DUOXA1: variants seen among roughly 807,000 people sequenced by gnomAD.
DUOXA1 encodes dual oxidase activator 1.
Under a neutral mutation model 26.6 loss-of-function variants are expected in DUOXA1, and 19 were observed. The observed-to-expected ratio is 0.71, with a 90% CI of 0.50 to 1.05. DUOXA1 has a LOEUF of 1.05. DUOXA1 is among the 50% of genes least tolerant of loss of function. The pLI, the probability that DUOXA1 is intolerant of heterozygous loss-of-function variation, is 0.00. For missense variants in DUOXA1, 403 were observed against 427.5 expected, an observed-to-expected ratio of 0.94 and a Z score of 0.51; for synonymous variants, 166 against 177.0, an observed-to-expected ratio of 0.94 and a Z score of 0.49.
At position 45,120,254 on chromosome 15, in the gene DUOXA1, G is replaced by T; in HGVS notation, c.621C>A (p.Gly207=). The T allele has an allele frequency of 6.2e-7, 1 of 1,614,148 alleles. No homozygotes were observed. Among genetic ancestry groups the T allele is most frequent in the East Asian group, 2.2e-5 (1 of 44,892 alleles). The change falls in exon 8 of 9, where the codon GGC becomes GGA. Residue 207 remains glycine, a synonymous_variant. Transcript: ENST00000560572. ...AGATGCCCGTGGCCAATAGCATGTA[G>T]CCACCATATACCAGCACAGGCATGG... ...MLSMPVLVYG[G]YMLLATGIFQ...
rs1314036178 is a variant in DUOXA1 at position 45,118,917 on chromosome 15, C to A, written c.*189G>T. The A allele has an allele frequency of 1.5e-6, 2 of 1,336,098 alleles. No individual in the cohort carries two copies. Among genetic ancestry groups the A allele is most frequent in the South Asian group, 2.1e-5 (1 of 46,962 alleles). The allele number at this position is 1,336,098 out of a possible 1,614,324, so 82.8% of individuals were successfully genotyped here. ...GGACAGGCCCAGCATCTCTTCAGTC[C>A]CTTAGGGCTTTTTGTTTTGTTTTGT... is the stretch of plus-strand genomic sequence containing the variant. On this transcript the variant is annotated 3_prime_UTR_variant, in exon 9 of 9. Transcript: ENST00000560572.
In DUOXA1 at chr15:45,120,690, G is replaced by A. The variant is rs150765255; in HGVS notation, c.456C>T (p.Asp152=). ...YAKALEKGLP[D]PVLYLAEKFT... is the part of the protein sequence containing the mutation. ...ACTTCTCAGCTAGGTACAACACAGG[G>A]TCTGGCAGCCCCTTCTCCAGAGCCT... is the stretch of plus-strand genomic sequence containing the variant. The change falls in exon 7 of 9, where the codon GAC becomes GAT. Residue 152 remains aspartate, a synonymous_variant. Transcript: ENST00000560572. 1.2e-5 allele frequency: 19 copies of A among 1,614,134 alleles called. No individual in the cohort carries two copies. In the South Asian group the frequency reaches 1.8e-4, roughly 15 times the overall value.
Position 45,119,064 on chromosome 15 carries a change from G to A in DUOXA1, c.*42C>T, listed in dbSNP as rs763849904. 6.5e-7 allele frequency: 1 copy of A among 1,540,068 alleles called. No individual in the cohort carries two copies. Among genetic ancestry groups the A allele is most frequent in the Non-Finnish European group, 8.8e-7 (1 of 1,136,862 alleles). ...TTTTATGGGGCGCCAATGAGGTTTG[G>A]AGCCAGACTGGAAGTCCAGGTGGCC... On this transcript the variant is annotated 3_prime_UTR_variant, in exon 9 of 9. Coordinates refer to ENST00000560572, the MANE Select transcript of DUOXA1 (RefSeq NM_001276266.2).
intron 7 of DUOXA1, 111 bp from the exon 8 acceptor site, chr15:45,120,431 G>T: frequency 6.8e-7 from 1 of 1,476,316 alleles, no homozygotes; most frequent in South Asian, 1.1e-5. Context: ...AAGATATGAG[G>T]TAGGGATTCC....
At chr15:45,126,773 C>G (rs1050656846) in intron 3 of DUOXA1, among the ~76,000 whole-genome samples, 12 of 152,232 alleles carry the variant, frequency 7.9e-5, no homozygotes, top group Non-Finnish European at 1.3e-4. Context: ...TCCCTTATTG[C>G]CCTGTGCTAA....
At chr15:45,122,844 G>T in intron 4 of DUOXA1, 24 bp downstream of exon 4, 2 of 1,593,644 alleles carry the variant, frequency 1.3e-6, no homozygotes, top group Non-Finnish European at 1.7e-6. Context: ...TCTGGGCTGG[G>T]GTCTCCAGGA....
Position 45,118,737 on chromosome 15 carries a change from GA to G in DUOXA1, c.*368del. The G allele has an allele frequency of 3.0e-6, 3 of 1,012,872 alleles. No homozygotes were observed. The highest frequency in any genetic ancestry group is 3.5e-6 in the Non-Finnish European group (3 of 848,714). The allele number at this position is 1,012,872 out of a possible 1,614,324, so 62.7% of individuals were successfully genotyped here. A position where few individuals can be genotyped will look rare whatever the true frequency, so the allele number is the denominator to read the frequency against. On this transcript the variant is annotated 3_prime_UTR_variant, in exon 9 of 9. Transcript: ENST00000560572. Reference sequence around the variant, plus strand: ...GCCGAGGGATGAGAGGAAACCATAGGAGAATCATATGTAACCCCCACCCTGC... The same window carrying G: ...GCCGAGGGATGAGAGGAAACCATAGGGAATCATATGTAACCCCCACCCTGC...
chr15:45,125,216 C>T (rs1446628761), intron 3 of DUOXA1, among the ~76,000 whole-genome samples: 3 of 152,106 alleles, frequency 2.0e-5, no homozygotes, highest in Admixed American at 6.5e-5. Flanking sequence ...GAGGAATAGG[C>T]GTCTCTCTTC....
chr15:45,119,375 A>G lies in DUOXA1; in HGVS notation c.773-10T>C. On this transcript the variant is annotated splice_polypyrimidine_tract_variant and intron_variant, in intron 8 of 8. Coordinates refer to ENST00000560572, the MANE Select transcript of DUOXA1 (RefSeq NM_001276266.2). ...AGCACACACAGCAGTCCTGGAGATG[A>G]GGGCAACAATTGTCCCACCTTAGTG... 6.3e-7 allele frequency: 1 copy of G among 1,600,000 alleles called. No individual in the cohort carries two copies. Among genetic ancestry groups the G allele is most frequent in the Non-Finnish European group, 8.5e-7 (1 of 1,169,712 alleles).
Position 45,117,986 on chromosome 15 carries a change from G to A in DUOXA1, c.*1120C>T, listed in dbSNP as rs762090845. Reference sequence around the variant, plus strand: ...AGCAGTGCCCGCCAGGCCTGGGCCAGGAGAGCTCCAGGAAGGGCACTGAGC... The same window carrying A: ...AGCAGTGCCCGCCAGGCCTGGGCCAAGAGAGCTCCAGGAAGGGCACTGAGC... On this transcript the variant is annotated 3_prime_UTR_variant, in exon 9 of 9. Transcript: ENST00000560572. 1.2e-6 allele frequency: 2 copies of A among 1,612,478 alleles called. No individual in the cohort carries two copies. The highest frequency in any genetic ancestry group is 1.1e-5 in the South Asian group (1 of 91,040).
Position 45,119,196 on chromosome 15 carries a change from GGGACTGTCAGCCAT to G in DUOXA1, c.928_941del (p.Met310GlnfsTer18), listed in dbSNP as rs754388768. The G allele has an allele frequency of 1.2e-6, 2 of 1,614,038 alleles. No homozygotes were observed. On this transcript the variant is annotated frameshift_variant, in exon 9 of 9. Transcript: ENST00000560572. LOFTEE classifies it low-confidence loss of function (END_TRUNC). Reference sequence around the variant, plus strand: ...CTGACAGGGGAATGTCCTGGGACTTGGGACTGTCAGCCATGGACCGGTAGCGGGGGCTCAGGAGT... The same window carrying G: ...CTGACAGGGGAATGTCCTGGGACTTGGGACCGGTAGCGGGGGCTCAGGAGT...
chr15:45,122,326 G>A (rs566771536), intron 4 of DUOXA1, 84 bp from the exon 5 acceptor site: 24 of 1,368,824 alleles, frequency 1.8e-5, no homozygotes, highest in African/African-American at 1.3e-4. Flanking sequence ...GGGGAGGGGC[G>A]GGAATTCTAA....
At position 45,120,114 on chromosome 15, in the gene DUOXA1, G is replaced by A; in HGVS notation, c.761C>T (p.Thr254Ile). ...HTHHGPAFWITLTTGLLCVLL... is the reference protein window; with the variant it reads ...HTHHGPAFWIILTTGLLCVLL... ...GGGCTGGGTCTTACCTGTGGTCAAT[G>A]TGATCCAGAAGGCAGGCCCATGGTG... Residue 254 changes from threonine to isoleucine, a missense_variant, in exon 8 of 9, where the codon ACA (threonine) becomes ATA (isoleucine). Physicochemically the swap from Thr to Ile is moderately conservative, Grantham distance 89. Transcript: ENST00000560572. The A allele has an allele frequency of 3.1e-6, 5 of 1,613,962 alleles. No individual in the cohort carries two copies. Among genetic ancestry groups the A allele is most frequent in the Non-Finnish European group, 4.2e-6 (5 of 1,179,996 alleles).
chr15:45,122,111 A>C, intron 5 of DUOXA1, 74 bp downstream of exon 5: 1 of 1,499,436 alleles, frequency 6.7e-7, no homozygotes. Flanking sequence ...GGAAACAAGG[A>C]GAGGAGATGC....
In DUOXA1 at chr15:45,117,481, G is replaced by A. The variant is rs1035643456; in HGVS notation, c.*1625C>T. On this transcript the variant is annotated 3_prime_UTR_variant, in exon 9 of 9. Transcript: ENST00000560572. ...TTACAGATGAAAAGTGGGGGGCTCA[G>A]AAGGGTTTGGTGTCTTGCCGTGTTT... The A allele has an allele frequency of 1.3e-6, 2 of 1,550,798 alleles. No homozygotes were observed. Among genetic ancestry groups the A allele is most frequent in the African/African-American group, 1.4e-5 (1 of 73,032 alleles).
intron 3 of DUOXA1, among the ~76,000 whole-genome samples, chr15:45,128,195 G>A (rs1895831226): frequency 1.3e-5 from 2 of 152,156 alleles, no homozygotes; most frequent in Non-Finnish European, 2.9e-5. Flanking sequence ...TGAGAGGTGG[G>A]TAAAACATAA....
At position 45,120,821 on chromosome 15, in the gene DUOXA1, G is replaced by A. The variant is rs773290560; in HGVS notation, c.341-16C>T. 1.9e-6 allele frequency: 3 copies of A among 1,613,482 alleles called. No homozygotes were observed. The East Asian group carries it at 6.7e-5, about 36-fold the overall frequency. On this transcript the variant is annotated splice_polypyrimidine_tract_variant and intron_variant, in intron 6 of 8. Coordinates refer to ENST00000560572, the MANE Select transcript of DUOXA1 (RefSeq NM_001276266.2). Reference sequence around the variant, plus strand: ...ACGGGGGTCCCTAGGGCACAAGGCAGCTCTGCTCAGCAGGAACCCAAGGGC... The same window carrying A: ...ACGGGGGTCCCTAGGGCACAAGGCAACTCTGCTCAGCAGGAACCCAAGGGC...
rs763366208 is a variant in DUOXA1 at position 45,117,712 on chromosome 15, A to T, written c.*1394T>A. ...CTCCTTTCTTTCGATCCCCACCGCC[A>T]CAGGCGTCCTGTGCCTCTTCCTCGG... On this transcript the variant is annotated 3_prime_UTR_variant, in exon 9 of 9. Coordinates refer to ENST00000560572, the MANE Select transcript of DUOXA1 (RefSeq NM_001276266.2). 3.1e-6 allele frequency: 5 copies of T among 1,613,514 alleles called. No individual in the cohort carries two copies. Among genetic ancestry groups the T allele is most frequent in the Non-Finnish European group, 4.2e-6 (5 of 1,179,578 alleles).
In DUOXA1 at chr15:45,119,094, CG is replaced by C. The variant is rs1894888252; in HGVS notation, c.*11del. The stretch of plus-strand genomic sequence containing the variant: ...AGACTGGAAGTCCAGGTGGCCTCCA[CG>C]GGGAGGAATGTTATAAAGCACAATC... On this transcript the variant is annotated 3_prime_UTR_variant, in exon 9 of 9. Transcript: ENST00000560572. 9 of 1,560,180 alleles carry C rather than the reference CG, an allele frequency of 5.8e-6. No individual in the cohort carries two copies. Among genetic ancestry groups the C allele is most frequent in the Non-Finnish European group, 7.0e-6 (8 of 1,144,874 alleles).
Sources: gnomAD v4.1 joint callset for allele counts (sites outside exome capture counted in the v4.1 genomes callset) on GRCh38, gnomAD v4.1.1 for gene constraint, MANE v1.5 for transcripts, NCBI Gene and HGNC (gene_info 2026-07-23, HGNC 2026-07-21) for gene names.